PTPRD: variants seen among roughly 807,000 people sequenced by gnomAD.
PTPRD encodes receptor-type tyrosine-protein phosphatase delta.
A neutral mutation model predicts 214.5 loss-of-function variants in PTPRD; 34 were observed. The ratio of observed to expected loss-of-function variants is 0.16; its 90% CI spans 0.12 to 0.21. The LOEUF (loss-of-function observed/expected upper bound fraction) is 0.21. Ranked by LOEUF, PTPRD falls within the 10% of genes least tolerant of loss-of-function variation. The pLI, the probability that PTPRD is intolerant of heterozygous loss-of-function variation, is 1.00. For missense variants in PTPRD, 2,545 were observed against 2,398.7 expected (o/e 1.06, Z -1.27); for synonymous variants, 1,128 against 845.7 (o/e 1.33, Z -5.79).
chr9:9,843,420 C>T (rs1007645572), intron 5 of PTPRD, among the ~76,000 whole-genome samples: 3 of 151,776 alleles, frequency 2.0e-5, no homozygotes, highest in African/African-American at 7.3e-5. Flanking sequence ...TTCTTTATTG[C>T]TAAAGGTTAA....
chr9:10,489,159 C>T (rs2099151894), intron 2 of PTPRD, among the ~76,000 whole-genome samples: 1 of 152,066 alleles, frequency 6.6e-6, no homozygotes, highest in Non-Finnish European at 1.5e-5. Flanking sequence ...CCAGGAACTC[C>T]TCAATTATCA....
chr9:9,360,154 G>A lies in PTPRD; in HGVS notation c.-203+37295C>T, dbSNP rs148438839. Among the ~76,000 whole-genome samples the A allele has an allele frequency of 1.7e-3, 256 of 151,020 alleles. 1 individual carries two copies. The highest frequency in any genetic ancestry group is 3.9e-3 in the South Asian group (19 of 4,816). ...GATTTTAAATTTCCTTTTAATGGAAGTGATTCTAAAAATCTGACAGTTGTT... is the reference window on the plus strand; with the variant it reads ...GATTTTAAATTTCCTTTTAATGGAAATGATTCTAAAAATCTGACAGTTGTT... On this transcript the variant is annotated intron_variant, in intron 9 of 45. Coordinates refer to ENST00000381196, the MANE Select transcript of PTPRD (RefSeq NM_002839.4).
intron 2 of PTPRD, among the ~76,000 whole-genome samples, chr9:10,573,679 C>T (rs542086597): frequency 6.6e-6 from 1 of 152,230 alleles, no homozygotes; most frequent in African/African-American, 2.4e-5. Flanking sequence ...CGCACCTGGA[C>T]TCTTTCCTGG....
chr9:10,012,048 A>T (rs1327328263), intron 4 of PTPRD, among the ~76,000 whole-genome samples: 1 of 152,004 alleles, frequency 6.6e-6, no homozygotes, highest in Non-Finnish European at 1.5e-5. Context: ...TTGACAGGAA[A>T]CATGTAGGTA....
At chr9:9,862,562 C>T (rs1565846135) in intron 5 of PTPRD, among the ~76,000 whole-genome samples, 1 of 152,170 alleles carries the variant, frequency 6.6e-6, no homozygotes, top group Admixed American at 6.5e-5. Context: ...GCTTCAGAAA[C>T]TGCGAGAATC....
chr9:8,552,281 G>T (rs1394438782), intron 14 of PTPRD, among the ~76,000 whole-genome samples: 1 of 152,154 alleles, frequency 6.6e-6, no homozygotes, highest in East Asian at 1.9e-4. Context: ...TTCTCTCTGG[G>T]AAAAATCATT....
intron 4 of PTPRD, among the ~76,000 whole-genome samples, chr9:9,964,900 G>GC (rs1176409525): frequency 2.0e-5 from 3 of 152,026 alleles, no homozygotes; most frequent in African/African-American, 7.2e-5. Context: ...TTTTTCATTT[G>GC]AAATATAGGG....
At chr9:9,402,843 G>T (rs1312066835) in intron 8 of PTPRD, among the ~76,000 whole-genome samples, 4 of 151,460 alleles carry the variant, frequency 2.6e-5, no homozygotes. Context: ...GAATTAATGG[G>T]CAGGCAGAGC....
At chr9:8,825,846 G>A (rs746766558) in intron 11 of PTPRD, among the ~76,000 whole-genome samples, 13 of 152,108 alleles carry the variant, frequency 8.5e-5, no homozygotes, top group South Asian at 2.1e-4. Context: ...CTGTCATGGC[G>A]CCAGTGAGAG....
intron 9 of PTPRD, among the ~76,000 whole-genome samples, chr9:9,315,833 CTTTTTTTTTT>C (rs566821610): frequency 5.4e-5 from 5 of 93,324 alleles, no homozygotes; most frequent in Middle Eastern, 6.4e-3. Context: ...TAGCAGACAA[CTTTTTTTTTT>C]TTTTTTTTTT....
chr9:9,617,534 T>C (rs530022029), intron 7 of PTPRD, among the ~76,000 whole-genome samples: 2 of 152,176 alleles, frequency 1.3e-5, no homozygotes, highest in African/African-American at 2.4e-5. Context: ...TGAGTCCTGA[T>C]GGCTGAGCAG....
At chr9:10,014,259 A>G (rs1452483657) in intron 4 of PTPRD, among the ~76,000 whole-genome samples, 1 of 152,038 alleles carries the variant, frequency 6.6e-6, no homozygotes. Context: ...GAGGAAACTA[A>G]GACTCAGTGA....
chr9:9,646,338 TGTGTGG>T (rs1156474577), intron 7 of PTPRD, among the ~76,000 whole-genome samples: 124 of 148,900 alleles, frequency 8.3e-4, no homozygotes, highest in African/African-American at 3.1e-3. Flanking sequence ...TGTGTGTGTG[TGTGTGG>T]GTGTGTGTGT....
chr9:9,495,683 A>G lies in PTPRD; in HGVS notation c.-237+79049T>C, dbSNP rs139228773. On this transcript the variant is annotated intron_variant, in intron 8 of 45. Coordinates refer to ENST00000381196, the MANE Select transcript of PTPRD (RefSeq NM_002839.4). ...TGCTGAGAGCTGTTTTCATCACTCAATAAAATTCTCTGCTTTCACTATCCT... is the reference window on the plus strand; with the variant it reads ...TGCTGAGAGCTGTTTTCATCACTCAGTAAAATTCTCTGCTTTCACTATCCT... Among the ~76,000 whole-genome samples, 558 of 152,224 alleles carry G rather than the reference A, an allele frequency of 3.7e-3. 5 individuals carry two copies. Among genetic ancestry groups the G allele is most frequent in the African/African-American group, 0.013 (524 of 41,546 alleles).
chr9:9,858,916 A>G (rs2062085701), intron 5 of PTPRD, among the ~76,000 whole-genome samples: 1 of 152,166 alleles, frequency 6.6e-6, no homozygotes, highest in South Asian at 2.1e-4. Flanking sequence ...ACTTTGCCCA[A>G]GAACAGGCAT....
At chr9:10,400,126 C>G (rs2098245233) in intron 2 of PTPRD, among the ~76,000 whole-genome samples, 1 of 151,786 alleles carries the variant, frequency 6.6e-6, no homozygotes, top group South Asian at 2.1e-4. Flanking sequence ...GAAATACATT[C>G]AATTCTCGTC....
At chr9:9,631,718 T>C (rs751848381) in intron 7 of PTPRD, among the ~76,000 whole-genome samples, 1 of 152,092 alleles carries the variant, frequency 6.6e-6, no homozygotes, top group Non-Finnish European at 1.5e-5. Flanking sequence ...GTTGATGATA[T>C]TGGACACAGC....
chr9:8,698,149 GA>G (rs1226695542), intron 12 of PTPRD, among the ~76,000 whole-genome samples: 3 of 152,208 alleles, frequency 2.0e-5, no homozygotes, highest in African/African-American at 7.2e-5. Flanking sequence ...CTCAAAAAAT[GA>G]GGATCAAAGT....
intron 5 of PTPRD, among the ~76,000 whole-genome samples, chr9:9,808,970 G>C (rs1353787432): frequency 4.2e-5 from 6 of 142,152 alleles, no homozygotes; most frequent in African/African-American, 1.3e-4. Flanking sequence ...TTTTTTTGTA[G>C]AAACAAGATC....
Sources: allele counts gnomAD v4.1 joint callset (sites outside exome capture counted in the v4.1 genomes callset), GRCh38; gene constraint gnomAD v4.1.1; transcripts MANE v1.5; gene names NCBI Gene and HGNC (gene_info 2026-07-23, HGNC 2026-07-21).